The following RBFOX1 variants were observed in gnomAD, a reference collection of about 807,000 sequenced individuals.
The protein encoded by RBFOX1 is RNA binding fox-1 homolog 1.
Under a neutral mutation model 57.7 loss-of-function variants are expected in RBFOX1, and 8 were observed. The ratio of observed to expected loss-of-function variants is 0.14; its 90% CI spans 0.08 to 0.25. The LOEUF (loss-of-function observed/expected upper bound fraction) is 0.25, where lower values mean the gene tolerates loss of function less well. RBFOX1 is among the 10% of genes least tolerant of loss of function. The pLI, the probability that RBFOX1 is intolerant of heterozygous loss-of-function variation, is 1.00. For missense variants in RBFOX1, 611 were observed against 548.5 expected (o/e 1.11, Z -1.14); for synonymous variants, 326 against 222.4 (o/e 1.47, Z -4.15).
intron 2 of RBFOX1, among the ~76,000 whole-genome samples, chr16:5,549,036 C>G (rs1252940058): frequency 6.6e-6 from 1 of 152,196 alleles, no homozygotes; most frequent in Non-Finnish European, 1.5e-5. Context: ...TTCATACTGG[C>G]CGCAAGGCAG....
At chr16:5,642,740 C>T (rs531924258) in intron 3 of RBFOX1, among the ~76,000 whole-genome samples, 84 of 152,154 alleles carry the variant, frequency 5.5e-4, no homozygotes, top group African/African-American at 1.9e-3. Context: ...CCGGGAGGGG[C>T]CTCTCTTCCT....
At position 6,907,196 on chromosome 16, in the gene RBFOX1, G is replaced by A. The variant is rs569092801; in HGVS notation, c.-15-144861G>A. Among the ~76,000 whole-genome samples, 39 of 152,192 alleles carry A rather than the reference G, an allele frequency of 2.6e-4. No individual in the cohort carries two copies. In the South Asian group the frequency reaches 6.4e-3, roughly 25 times the overall value. ...GAGTATGTCCTCCTGGCATCTGTAG[G>A]GCAGGGGCCAGGGATGTTGTTAAAT... On this transcript the variant is annotated intron_variant, in intron 3 of 15. Transcript: ENST00000550418.
intron 9 of RBFOX1, among the ~76,000 whole-genome samples, chr16:7,605,488 C>G (rs1321341357): frequency 6.6e-6 from 1 of 152,158 alleles, no homozygotes; most frequent in Non-Finnish European, 1.5e-5. Context: ...TGTAAACCAC[C>G]TAGCTTCTTC....
intron 1 of RBFOX1, among the ~76,000 whole-genome samples, chr16:5,362,347 C>G (rs1018334220): frequency 1.3e-5 from 2 of 152,012 alleles, no homozygotes; most frequent in African/African-American, 4.8e-5. Flanking sequence ...CACGCCACCA[C>G]GCCCAGATGG....
intron 4 of RBFOX1, among the ~76,000 whole-genome samples, chr16:5,990,270 C>CATGA (rs1386354422): frequency 6.6e-6 from 1 of 150,880 alleles, no homozygotes; most frequent in African/African-American, 2.4e-5. Context: ...GGGTTACAGG[C>CATGA]ATGAGCCCAC....
intron 3 of RBFOX1, among the ~76,000 whole-genome samples, chr16:7,030,084 C>G (rs749723020): frequency 6.6e-6 from 1 of 152,122 alleles, no homozygotes; most frequent in Non-Finnish European, 1.5e-5. Context: ...AACATTATTA[C>G]AAATTGGTGC....
intron 4 of RBFOX1, among the ~76,000 whole-genome samples, chr16:5,961,169 C>CTT (rs113215580): frequency 1.3e-5 from 2 of 151,932 alleles, no homozygotes; most frequent in South Asian, 2.1e-4. Flanking sequence ...AATTTTGAGC[C>CTT]TTTTTTTCAT....
At chr16:5,486,843 A>T (rs1174718978) in intron 2 of RBFOX1, among the ~76,000 whole-genome samples, 1 of 152,040 alleles carries the variant, frequency 6.6e-6, no homozygotes, top group Non-Finnish European at 1.5e-5. Flanking sequence ...TGGAGATTTA[A>T]GAATAAAACC....
intron 3 of RBFOX1, among the ~76,000 whole-genome samples, chr16:6,970,557 A>G (rs561779291): frequency 1.3e-5 from 2 of 152,316 alleles, no homozygotes; most frequent in Admixed American, 1.3e-4. Context: ...TCTCTGCCTT[A>G]TAACTGGTGC....
intron 2 of RBFOX1, among the ~76,000 whole-genome samples, chr16:6,452,543 A>T (rs117175122): frequency 2.0e-5 from 3 of 152,190 alleles, no homozygotes; most frequent in Non-Finnish European, 4.4e-5. Context: ...AGAAGCATCT[A>T]CCAGGGATGT....
intron 3 of RBFOX1, among the ~76,000 whole-genome samples, chr16:7,007,546 G>A (rs2093371532): frequency 6.6e-6 from 1 of 152,068 alleles, no homozygotes; most frequent in African/African-American, 2.4e-5. Context: ...TGGGGAAGTG[G>A]GGCATAAATT....
At chr16:5,993,940 C>T (rs534455539) in intron 4 of RBFOX1, among the ~76,000 whole-genome samples, 1 of 152,052 alleles carries the variant, frequency 6.6e-6, no homozygotes, top group Non-Finnish European at 1.5e-5. Flanking sequence ...GATTTGGATG[C>T]CTTATTGGAA....
intron 1 of RBFOX1, among the ~76,000 whole-genome samples, chr16:6,173,456 C>G (rs1056766205): frequency 4.6e-5 from 7 of 152,102 alleles, no homozygotes; most frequent in Admixed American, 3.9e-4. Flanking sequence ...CACATGTGTG[C>G]ATGTGCACAC....
At chr16:6,653,555 G>GAA (rs150975599) in intron 2 of RBFOX1, among the ~76,000 whole-genome samples, 2,355 of 152,250 alleles carry the variant, frequency 0.015, 63 homozygotes, top group African/African-American at 0.053. Flanking sequence ...AGGACAACAA[G>GAA]AAAATAGCAG....
At chr16:5,639,450 A>G (rs549752441) in intron 3 of RBFOX1, among the ~76,000 whole-genome samples, 3 of 152,292 alleles carry the variant, frequency 2.0e-5, no homozygotes, top group Non-Finnish European at 2.9e-5. Context: ...GATATGAATC[A>G]AGACTTCTTT....
intron 14 of RBFOX1, among the ~76,000 whole-genome samples, chr16:7,700,148 C>G (rs1438196049): frequency 6.6e-6 from 1 of 152,026 alleles, no homozygotes; most frequent in Non-Finnish European, 1.5e-5. Context: ...GATCATCAAT[C>G]CAATTCAGGG....
rs528884502 is a variant in RBFOX1 at position 5,576,471 on chromosome 16, A to G, written c.259-22431A>G. 3.3e-5 allele frequency among the ~76,000 whole-genome samples: 5 copies of G among 152,226 alleles called. No homozygotes were observed. In the South Asian group the frequency reaches 8.3e-4, roughly 25 times the overall value. On this transcript the variant is annotated intron_variant, in intron 2 of 2. Transcript: ENST00000585867. ...CTCCCACCAACCTAAGAGTGGAAGTATTTTTCTTTTTTTCATCTGTGTGTA... is the reference window on the plus strand; with the variant it reads ...CTCCCACCAACCTAAGAGTGGAAGTGTTTTTCTTTTTTTCATCTGTGTGTA...
At chr16:6,862,620 A>G (rs1383761689) in intron 3 of RBFOX1, among the ~76,000 whole-genome samples, 1 of 152,200 alleles carries the variant, frequency 6.6e-6, no homozygotes, top group East Asian at 1.9e-4. Context: ...ACATGAATGA[A>G]GTACAGGACA....
intron 1 of RBFOX1, among the ~76,000 whole-genome samples, chr16:5,360,844 G>A (rs1174612099): frequency 1.3e-5 from 2 of 152,176 alleles, no homozygotes; most frequent in African/African-American, 4.8e-5. Context: ...CCAGTTTTGA[G>A]GAGAGTATGA....
Sources: allele counts gnomAD v4.1 joint callset (sites outside exome capture counted in the v4.1 genomes callset), GRCh38; gene constraint gnomAD v4.1.1; transcripts MANE v1.5; gene names NCBI Gene and HGNC (gene_info 2026-07-23, HGNC 2026-07-21).